Variants in COX7C observed in about 807,000 individuals in gnomAD.
COX7C encodes cytochrome c oxidase subunit 7C, mitochondrial.
In COX7C, 1 loss-of-function variant was observed where a neutral mutation model predicts 6.4. That is an observed-to-expected ratio of 0.16 (90% CI 0.06 to 0.74). The LOEUF (loss-of-function observed/expected upper bound fraction) is 0.74. Ranked by LOEUF, COX7C falls within the 30% of genes least tolerant of loss-of-function variation. COX7C has a pLI of 0.78. For synonymous variants in COX7C, 24 were observed against 28.9 expected (o/e 0.83, Z 0.54); for missense variants, 54 against 73.7 (o/e 0.73, Z 0.98).
chr5:86,620,326 G>A, intron 2 of COX7C: 1 of 158,014 alleles, frequency 6.3e-6, no homozygotes, highest in Non-Finnish European at 1.4e-5. Context: ...GTTAATATAT[G>A]CTCAAAGGAG....
intron 1 of COX7C, chr5:86,618,353 C>T: frequency 1.9e-6 from 1 of 516,386 alleles, no homozygotes; most frequent in Non-Finnish European, 3.5e-6. Flanking sequence ...GCCCTGCCTC[C>T]ATCAGCCACC....
In COX7C at chr5:86,619,345, T is replaced by TC. The variant is rs758721578; in HGVS notation, c.76-6dup. 6.4e-7 allele frequency: 1 copy of TC among 1,572,432 alleles called. No homozygotes were observed. Among genetic ancestry groups the TC allele is most frequent in the Non-Finnish European group, 8.7e-7 (1 of 1,144,072 alleles). ...ATTTCGATTACTTTTTCTCTTTTTT[T>TC]CCAACAGAATTTGCCATTTTCAGTG... On this transcript the variant is annotated splice_region_variant and splice_polypyrimidine_tract_variant and intron_variant, in intron 1 of 2. Transcript: ENST00000247655.
chr5:86,618,036 G>A lies in COX7C; in HGVS notation c.-20G>A. 2 of 1,612,868 alleles carry A rather than the reference G, an allele frequency of 1.2e-6. No homozygotes were observed. Among genetic ancestry groups the A allele is most frequent in the Non-Finnish European group, 1.7e-6 (2 of 1,179,734 alleles). ...TCTGTCCTCATTCTCTGCGCCTTTC[G>A]CAGAGCTTCCAGCAGCGGTATGTTG... On this transcript the variant is annotated 5_prime_UTR_variant, in exon 1 of 3. Transcript: ENST00000247655.
At chr5:86,619,328 T>G (rs776162825) in intron 1 of COX7C, 25 bp from the exon 2 acceptor site, 2 of 1,384,282 alleles carry the variant, frequency 1.4e-6, no homozygotes, top group African/African-American at 1.4e-5. Context: ...CAATTTCGAT[T>G]ACTTTTTCTC....
intron 2 of COX7C, chr5:86,620,043 GA>G (rs1215496773): frequency 5.2e-5 from 8 of 152,540 alleles, no homozygotes; most frequent in African/African-American, 1.9e-4. Context: ...TTTAAGTTGT[GA>G]AAAATCCCTG....
At chr5:86,620,312 A>C (rs1253488821) in intron 2 of COX7C, 1 of 153,864 alleles carries the variant, frequency 6.5e-6, no homozygotes, top group Non-Finnish European at 1.4e-5. Context: ...TGTCAAGGGG[A>C]TATGTTAATA....
At chr5:86,620,606 A>G in intron 2 of COX7C, 62 bp from the exon 3 acceptor site, 1 of 426,966 alleles carries the variant, frequency 2.3e-6, no homozygotes. Context: ...ATGAAACTAC[A>G]TGATTTCTGT....
Position 86,617,962 on chromosome 5 carries a change from G to T in COX7C, c.-94G>T. The T allele has an allele frequency of 3.4e-6, 4 of 1,168,142 alleles. No homozygotes were observed. Among genetic ancestry groups the T allele is most frequent in the Non-Finnish European group, 5.0e-6 (4 of 792,864 alleles). The allele number at this position is 1,168,142 out of a possible 1,614,324, so 72.4% of individuals were successfully genotyped here. A position where few individuals can be genotyped will look rare whatever the true frequency, so the allele number is the denominator to read the frequency against. ...CTTTCTTTTCAGTCCTTGCGCACCGGGGAACAAGGTCGTGAAAAAAAAGGT... is the reference window on the plus strand; with the variant it reads ...CTTTCTTTTCAGTCCTTGCGCACCGTGGAACAAGGTCGTGAAAAAAAAGGT... On this transcript the variant is annotated 5_prime_UTR_variant, in exon 1 of 3. Transcript: ENST00000247655.
intron 1 of COX7C, chr5:86,618,433 G>A (rs1750048164): frequency 2.8e-6 from 1 of 356,290 alleles, no homozygotes; most frequent in African/African-American, 2.1e-5. Context: ...TAGGTGTGTT[G>A]GTTAAATCCG....
intron 1 of COX7C, among the ~76,000 whole-genome samples, chr5:86,618,879 G>GGCTGT (rs1361673063): frequency 1.3e-5 from 2 of 151,904 alleles, no homozygotes; most frequent in Non-Finnish European, 2.9e-5. Context: ...CTACTCGGGA[G>GGCTGT]GCTGAGGCAG....
intron 2 of COX7C, chr5:86,620,268 A>G (rs1395767427): frequency 2.0e-5 from 3 of 152,462 alleles, no homozygotes; most frequent in Non-Finnish European, 4.4e-5. Flanking sequence ...CTTGGGGGCA[A>G]AATTACCAGT....
intron 1 of COX7C, 101 bp downstream of exon 1, chr5:86,618,231 G>T: frequency 9.2e-7 from 1 of 1,088,570 alleles, no homozygotes; most frequent in South Asian, 1.3e-5. Flanking sequence ...GGAGATGATA[G>T]CCAGAAACCA....
Position 86,617,967 on chromosome 5 carries a change from C to T in COX7C, c.-89C>T, listed in dbSNP as rs1439152092. On this transcript the variant is annotated 5_prime_UTR_variant, in exon 1 of 3. Coordinates refer to ENST00000247655, the MANE Select transcript of COX7C (RefSeq NM_001867.3). The stretch of plus-strand genomic sequence containing the variant: ...TTTTCAGTCCTTGCGCACCGGGGAA[C>T]AAGGTCGTGAAAAAAAAGGTCTTGG... The T allele has an allele frequency of 4.1e-6, 5 of 1,234,244 alleles. No individual in the cohort carries two copies. In the African/African-American group the frequency reaches 5.9e-5, roughly 15 times the overall value. 76.5% of individuals were successfully genotyped at this position (1,234,244 alleles called of 1,614,324 possible).
intron 2 of COX7C, 38 bp downstream of exon 2, chr5:86,619,534 T>A: frequency 9.8e-7 from 1 of 1,017,282 alleles, no homozygotes; most frequent in Admixed American, 1.7e-5. Flanking sequence ...AAGCAGGCCT[T>A]TTTATTAAGT....
In COX7C at chr5:86,620,653, G is replaced by GA. The variant is rs1561268969; in HGVS notation, c.*28-15_*28-14insA. The stretch of plus-strand genomic sequence containing the variant: ...GATTTTTAAAATGCCATTAATTTCT[G>GA]TTTTTATTTTGCAGATATGAAGAGC... On this transcript the variant is annotated splice_polypyrimidine_tract_variant and intron_variant, in intron 2 of 2. Transcript: ENST00000247655. 2.3e-6 allele frequency: 1 copy of GA among 437,892 alleles called. No homozygotes were observed. The highest frequency in any genetic ancestry group is 2.4e-5 in the Admixed American group (1 of 41,854). 27.1% of individuals were successfully genotyped at this position (437,892 alleles called of 1,614,324 possible).
chr5:86,620,097 A>G (rs144301594), intron 2 of COX7C: 9 of 152,528 alleles, frequency 5.9e-5, no homozygotes, highest in African/African-American at 1.9e-4. Context: ...TAAGTCCCAG[A>G]TAATTATGCA....
At chr5:86,618,693 C>A (rs559037849) in intron 1 of COX7C, among the ~76,000 whole-genome samples, 5 of 151,640 alleles carry the variant, frequency 3.3e-5, no homozygotes, top group African/African-American at 9.7e-5. Context: ...AACAAACAAA[C>A]AAAAAAAACT....
chr5:86,619,480 G>T lies in COX7C; in HGVS notation c.*11G>T, dbSNP rs771157376. ...CTGCTTAAAACATAAGGATGTTTCA[G>T]TTCCTCCATTTAACAGGTAGTTAGT... On this transcript the variant is annotated 3_prime_UTR_variant, in exon 2 of 3. Transcript: ENST00000247655. 376 of 1,529,148 alleles carry T rather than the reference G, an allele frequency of 2.5e-4. 1 individual carries two copies. The highest frequency in any genetic ancestry group is 3.3e-4 in the Non-Finnish European group (361 of 1,102,952). 94.7% of individuals were successfully genotyped at this position (1,529,148 alleles called of 1,614,324 possible).
At position 86,618,117 on chromosome 5, in the gene COX7C, A is replaced by G. The variant is rs765895759; in HGVS notation, c.62A>G (p.Glu21Gly). ...TSVVRRSHYE[E>G]GPGKNLPFSV... ...GTGGTCCGTAGGAGCCACTATGAGG[A>G]GGGCCCTGGGAAGGTTAGTGTGTAA... Residue 21 changes from glutamate to glycine, a missense_variant, in exon 1 of 3, where the codon GAG becomes GGG. By Grantham distance (98) the Glu-to-Gly change is moderately conservative. Transcript: ENST00000247655. 1 of 1,614,016 alleles carries G rather than the reference A, an allele frequency of 6.2e-7. No individual in the cohort carries two copies. The highest frequency in any genetic ancestry group is 1.1e-5 in the South Asian group (1 of 91,068).
Sources: allele counts gnomAD v4.1 joint callset (sites outside exome capture counted in the v4.1 genomes callset), GRCh38; gene constraint gnomAD v4.1.1; transcripts MANE v1.5; gene names NCBI Gene and HGNC (gene_info 2026-07-23, HGNC 2026-07-21).